The following PSD3 variants were observed in gnomAD, a reference collection of about 807,000 sequenced individuals.
PSD3 encodes the protein PH and SEC7 domain-containing protein 3.
PSD3 carries 49 observed loss-of-function variants against 105.5 expected under a neutral mutation model. That is an observed-to-expected ratio of 0.46 (90% CI 0.37 to 0.59). The LOEUF (loss-of-function observed/expected upper bound fraction) is 0.59, where lower values mean the gene tolerates loss of function less well. Ranked by LOEUF, PSD3 falls within the 20% of genes least tolerant of loss-of-function variation. PSD3 has a pLI of 0.00. For missense variants in PSD3, 1,561 were observed against 1,263.8 expected (o/e 1.24, Z -3.57); for synonymous variants, 557 against 457.8 (o/e 1.22, Z -2.77).
At chr8:18,841,273 GA>G (rs1424812271) in intron 4 of PSD3, among the ~76,000 whole-genome samples, 2 of 151,978 alleles carry the variant, frequency 1.3e-5, no homozygotes, top group African/African-American at 2.4e-5. Flanking sequence ...GCACTGCGTG[GA>G]AAAAAAGTCT....
chr8:18,709,114 A>G (rs1321576730), intron 9 of PSD3, among the ~76,000 whole-genome samples: 2 of 152,064 alleles, frequency 1.3e-5, no homozygotes, highest in Non-Finnish European at 2.9e-5. Context: ...GTTCTTGGGG[A>G]AAGGGGTGGC....
intron 4 of PSD3, among the ~76,000 whole-genome samples, chr8:18,828,524 G>A (rs1056997452): frequency 6.6e-6 from 1 of 152,138 alleles, no homozygotes; most frequent in African/African-American, 2.4e-5. Context: ...CTACTGGCCA[G>A]GCATGGTGGC....
intron 4 of PSD3, among the ~76,000 whole-genome samples, chr8:18,848,489 C>T (rs1055493574): frequency 2.0e-5 from 3 of 152,132 alleles, no homozygotes; most frequent in Admixed American, 2.0e-4. Context: ...CAGGAAATGG[C>T]CACCTCCCAT....
chr8:18,824,973 A>G (rs751116946), intron 4 of PSD3, among the ~76,000 whole-genome samples: 10 of 152,212 alleles, frequency 6.6e-5, no homozygotes, highest in Non-Finnish European at 1.3e-4. Flanking sequence ...TAGGCTCTGA[A>G]AAATCAAAGC....
intron 8 of PSD3, among the ~76,000 whole-genome samples, chr8:18,787,375 A>G (rs1485454228): frequency 6.6e-6 from 1 of 152,198 alleles, no homozygotes. Context: ...CTTGAAATCA[A>G]TATATTTTCT....
chr8:19,004,536 C>T (rs2129474730), intron 1 of PSD3, among the ~76,000 whole-genome samples: 1 of 152,104 alleles, frequency 6.6e-6, no homozygotes. Context: ...AAGCATATAT[C>T]TGATAGGAGA....
At chr8:18,928,617 A>G (rs1269300113) in intron 2 of PSD3, among the ~76,000 whole-genome samples, 1 of 152,218 alleles carries the variant, frequency 6.6e-6, no homozygotes, top group Non-Finnish European at 1.5e-5. Context: ...CTAGAGATAA[A>G]AAGCAAATTA....
chr8:18,640,578 GT>G (rs1432758077), intron 10 of PSD3, among the ~76,000 whole-genome samples: 1 of 152,156 alleles, frequency 6.6e-6, no homozygotes, highest in East Asian at 1.9e-4. Context: ...AGAAGGACGT[GT>G]TTCCTTCCCC....
At chr8:18,735,529 T>C (rs1050552387) in intron 9 of PSD3, among the ~76,000 whole-genome samples, 5 of 152,274 alleles carry the variant, frequency 3.3e-5, no homozygotes, top group Admixed American at 6.5e-5. Flanking sequence ...CCTACAAACA[T>C]ATTTAAGGCT....
At chr8:18,781,182 T>C (rs1273113849) in intron 8 of PSD3, among the ~76,000 whole-genome samples, 1 of 152,162 alleles carries the variant, frequency 6.6e-6, no homozygotes. Context: ...GCCTCTAAGA[T>C]TTCCAGTTTA....
intron 1 of PSD3, among the ~76,000 whole-genome samples, chr8:18,991,712 TA>T (rs1304902093): frequency 6.6e-6 from 1 of 152,212 alleles, no homozygotes; most frequent in Non-Finnish European, 1.5e-5. Context: ...ACAAAGGCAT[TA>T]AAGACATTTT....
intron 1 of PSD3, among the ~76,000 whole-genome samples, chr8:18,958,755 T>G (rs757871335): frequency 1.3e-5 from 2 of 152,210 alleles, no homozygotes; most frequent in Non-Finnish European, 2.9e-5. Flanking sequence ...TGAATGTCAA[T>G]TTATTATTTT....
chr8:18,997,209 T>C (rs899736411), intron 1 of PSD3, among the ~76,000 whole-genome samples: 5 of 151,870 alleles, frequency 3.3e-5, no homozygotes, highest in African/African-American at 1.2e-4. Context: ...CAGATAAATA[T>C]ATCCACCTGC....
rs143339737 is a variant in PSD3 at position 18,844,880 on chromosome 8, C to T, written c.1634+22794G>A. On this transcript the variant is annotated intron_variant, in intron 4 of 15. Transcript: ENST00000327040. ...TATAAAGAAAATGACATCACTACAG[C>T]GCTGGGATCCGAAACAAGTGTTTCA... is the stretch of plus-strand genomic sequence containing the variant. Among the ~76,000 whole-genome samples the T allele has an allele frequency of 7.2e-5, 11 of 152,258 alleles. No individual in the cohort carries two copies. The East Asian group carries it at 2.1e-3, about 29-fold the overall frequency.
At chr8:19,041,894 A>G (rs1479769240) in intron 1 of PSD3, among the ~76,000 whole-genome samples, 2 of 152,250 alleles carry the variant, frequency 1.3e-5, no homozygotes, top group Non-Finnish European at 2.9e-5. Flanking sequence ...AAAAGAATGA[A>G]GGAACATATT....
intron 2 of PSD3, among the ~76,000 whole-genome samples, chr8:18,898,691 T>G (rs1819307595): frequency 6.6e-6 from 1 of 152,150 alleles, no homozygotes; most frequent in South Asian, 2.1e-4. Flanking sequence ...TATAATAAAC[T>G]AGAGAAAAGA....
intron 1 of PSD3, among the ~76,000 whole-genome samples, chr8:18,979,244 GTATATCCAAC>G (rs1825125899): frequency 6.6e-6 from 1 of 151,840 alleles, no homozygotes; most frequent in Admixed American, 6.6e-5. Context: ...TTGCCAAGAA[GTATATCCAAC>G]TAGACCCTCG....
At chr8:18,765,591 A>G (rs73199976) in intron 8 of PSD3, 53 bp from the exon 9 acceptor site, 41,282 of 1,341,038 alleles carry the variant, frequency 0.031, 763 homozygotes, top group African/African-American at 0.058. Context: ...ATTAAGACTG[A>G]TTCATAAATA....
intron 1 of PSD3, among the ~76,000 whole-genome samples, chr8:19,029,165 T>C (rs1827669903): frequency 6.6e-6 from 1 of 152,200 alleles, no homozygotes; most frequent in Non-Finnish European, 1.5e-5. Context: ...TCCAAATAAA[T>C]TGAGAATCAA....
Sources: allele counts gnomAD v4.1 joint callset (sites outside exome capture counted in the v4.1 genomes callset), GRCh38; gene constraint gnomAD v4.1.1; transcripts MANE v1.5; gene names NCBI Gene and HGNC (gene_info 2026-07-23, HGNC 2026-07-21).